Variants in GOLGA3 observed in about 807,000 individuals in gnomAD.
GOLGA3 encodes the protein golgin A3, also known as golgin subfamily A member 3.
In GOLGA3, 75 loss-of-function variants were observed where a neutral mutation model predicts 169.4. The ratio of observed to expected loss-of-function variants is 0.44; its 90% CI spans 0.37 to 0.54. The LOEUF is 0.54. Among genes scored for constraint, GOLGA3 ranks in the 20% least tolerant of loss-of-function variants. The pLI, the probability that GOLGA3 is intolerant of heterozygous loss-of-function variation, is 0.00. For missense variants in GOLGA3, 1,899 were observed against 1,930.0 expected (o/e 0.98, Z 0.30); for synonymous variants, 824 against 822.4 (o/e 1.00, Z -0.03).
chr12:132,816,587 GCTT>G lies in GOLGA3; in HGVS notation c.356_358del (p.Glu119del). 1 of 1,614,100 alleles carries G rather than the reference GCTT, an allele frequency of 6.2e-7. No individual in the cohort carries two copies. The highest frequency in any genetic ancestry group is 1.1e-5 in the South Asian group (1 of 91,086). Reference sequence around the variant, plus strand: ...AAGACTGAGTCTGAGAGACTGCAAAGCTTCTTTTCTAACACTGCCCTCAGCACT... The same window carrying G: ...AAGACTGAGTCTGAGAGACTGCAAAGCTTTTCTAACACTGCCCTCAGCACT... On this transcript the variant is annotated inframe_deletion, in exon 3 of 24. Transcript: ENST00000450791.
At position 132,784,289 on chromosome 12, in the gene GOLGA3, C is replaced by G. The variant is rs2045775093; in HGVS notation, c.3142G>C (p.Glu1048Gln). ...LALHERIQAL[E>Q]AELQAVSHSK... is the part of the protein sequence containing the mutation. ...TGACTGACAGCCTGCAGCTCCGCCT[C>G]CAGGGCCTGGATCCTTTCCTAAGGG... The change falls in exon 16 of 24, where the codon GAG becomes CAG. Residue 1048 changes from glutamate (E) to glutamine (Q), a missense_variant. Glu to Gln is a conservative substitution (Grantham distance 29, BLOSUM62 2). Coordinates refer to ENST00000450791, the MANE Select transcript of GOLGA3 (RefSeq NM_001389683.1). 1 of 1,608,800 alleles carries G rather than the reference C, an allele frequency of 6.2e-7. No individual in the cohort carries two copies.
chr12:132,800,477 G>C (rs1458806005), intron 8 of GOLGA3, among the ~76,000 whole-genome samples: 1 of 152,170 alleles, frequency 6.6e-6, no homozygotes, highest in Non-Finnish European at 1.5e-5. Context: ...CTGGGAGACA[G>C]AGCAAGACTC....
intron 12 of GOLGA3, among the ~76,000 whole-genome samples, chr12:132,789,957 T>G (rs1298420237): frequency 1.3e-5 from 2 of 151,584 alleles, no homozygotes; most frequent in Non-Finnish European, 2.9e-5. Flanking sequence ...CATTTGAACC[T>G]GGCAGTTGGA....
At chr12:132,784,433 C>G in intron 15 of GOLGA3, 126 bp from the exon 16 acceptor site, 2 of 765,240 alleles carry the variant, frequency 2.6e-6, no homozygotes, top group Non-Finnish European at 4.3e-6. Flanking sequence ...CTGACACAGT[C>G]TCACAACCTT....
chr12:132,783,723 ACC>A, intron 16 of GOLGA3: 1 of 273,770 alleles, frequency 3.7e-6, no homozygotes, highest in Non-Finnish European at 6.7e-6. Context: ...GACTACAGGC[ACC>A]CGCCACCACA....
chr12:132,818,439 T>G (rs921827165), intron 2 of GOLGA3, among the ~76,000 whole-genome samples: 1 of 152,138 alleles, frequency 6.6e-6, no homozygotes, highest in Non-Finnish European at 1.5e-5. Flanking sequence ...TTTGGTCTTT[T>G]TAGTAGAGAT....
Position 132,769,340 on chromosome 12 carries a change from T to G in GOLGA3, c.*3765A>C, listed in dbSNP as rs1227390841. ...TAGAATCTTCACGTACAACATTCTG[T>G]TTTTGTTTTTAAAGACCTCAGGGAA... On this transcript the variant is annotated 3_prime_UTR_variant, in exon 24 of 24. Coordinates refer to ENST00000450791, the MANE Select transcript of GOLGA3 (RefSeq NM_001389683.1). 1 of 152,192 alleles carries G rather than the reference T, an allele frequency of 6.6e-6. No individual in the cohort carries two copies. The highest frequency in any genetic ancestry group is 1.5e-5 in the Non-Finnish European group (1 of 68,046). The allele number at this position is 152,192 out of a possible 1,614,324, so 9.4% of individuals were successfully genotyped here.
At chr12:132,793,995 T>C (rs1011582883) in intron 11 of GOLGA3, among the ~76,000 whole-genome samples, 42 of 152,296 alleles carry the variant, frequency 2.8e-4, no homozygotes, top group African/African-American at 4.3e-4. Context: ...CCTTTTTCCC[T>C]ACAATATGGA....
rs1400443950 is a variant in GOLGA3 at position 132,787,591 on chromosome 12, A to AG, written c.2812-805_2812-804insC. Among the ~76,000 whole-genome samples, 355 of 112,394 alleles carry AG rather than the reference A, an allele frequency of 3.2e-3. 66 individuals carry two copies. Among genetic ancestry groups the AG allele is most frequent in the Non-Finnish European group, 3.8e-3 (195 of 51,790 alleles). The allele number at this position is 112,394 out of a possible 152,430, so 73.7% of individuals were successfully genotyped here. On this transcript the variant is annotated intron_variant, in intron 13 of 23. Transcript: ENST00000450791. Reference sequence around the variant, plus strand: ...CTGAGACCCCGGGACCCCTCCCCAGAACCCCTGGGACCCTTCCCCGGAGAC... The same window carrying AG: ...CTGAGACCCCGGGACCCCTCCCCAGAGACCCCTGGGACCCTTCCCCGGAGAC...
intron 2 of GOLGA3, among the ~76,000 whole-genome samples, chr12:132,817,165 C>T (rs890230863): frequency 5.5e-5 from 8 of 145,936 alleles, no homozygotes; most frequent in East Asian, 2.1e-4. Flanking sequence ...CACTCCTCCA[C>T]GCTCTAAGGT....
At chr12:132,824,423 A>G (rs1950332819) in intron 1 of GOLGA3, among the ~76,000 whole-genome samples, 1 of 152,254 alleles carries the variant, frequency 6.6e-6, no homozygotes, top group Non-Finnish European at 1.5e-5. Flanking sequence ...TACGTATGCT[A>G]TTAGTGTAAA....
rs2045321018 is a variant in GOLGA3 at position 132,777,655 on chromosome 12, C to T, written c.3722+11G>A. ...GCCATGTTTGAGGGCTGGCGGGGCC[C>T]AGGCACTCACTGAAGGTCGTCGGCC... is the stretch of plus-strand genomic sequence containing the variant. On this transcript the variant is annotated intron_variant, in intron 19 of 23. Transcript: ENST00000450791. The surrounding 1 kb of genome is among the most constrained non-coding windows in gnomAD (Gnocchi z 4.7). 1 of 1,613,590 alleles carries T rather than the reference C, an allele frequency of 6.2e-7. No homozygotes were observed. Among genetic ancestry groups the T allele is most frequent in the Admixed American group, 1.7e-5 (1 of 59,974 alleles).
At chr12:132,774,572 G>T in intron 22 of GOLGA3, 1 of 556,044 alleles carries the variant, frequency 1.8e-6, no homozygotes, top group Non-Finnish European at 3.2e-6. Flanking sequence ...TGGGTCTGCG[G>T]CAGGACGGGG....
chr12:132,825,757 CAAG>C (rs927543328), intron 1 of GOLGA3: 196 of 1,541,956 alleles, frequency 1.3e-4, no homozygotes, highest in Admixed American at 2.5e-4. Flanking sequence ...TCTTTCAAAA[CAAG>C]AAGAGGGTCC....
intron 21 of GOLGA3, among the ~76,000 whole-genome samples, 154 bp from the exon 22 acceptor site, chr12:132,775,459 G>A (rs1246435629): frequency 2.0e-5 from 3 of 152,204 alleles, no homozygotes; most frequent in Non-Finnish European, 2.9e-5. Flanking sequence ...AGGACCAGAA[G>A]TGTGTCAAAT....
intron 18 of GOLGA3, among the ~76,000 whole-genome samples, chr12:132,778,439 C>T (rs1218993488): frequency 1.9e-4 from 28 of 151,082 alleles, no homozygotes; most frequent in Middle Eastern, 3.6e-3. Context: ...GGCGTGGTGG[C>T]GGGCACCTGT....
chr12:132,808,191 G>A lies in GOLGA3; in HGVS notation c.878C>T (p.Thr293Ile). The change falls in exon 5 of 24, where the codon ACT becomes ATT. Residue 293 changes from threonine to isoleucine, a missense_variant. By Grantham distance (89) the Thr-to-Ile change is moderately conservative (BLOSUM62 -1). Coordinates refer to ENST00000450791, the MANE Select transcript of GOLGA3 (RefSeq NM_001389683.1). The part of the protein sequence containing the change: ...VVSEISLSPD[T>I]DDRLENTSLA... ...GGAGGTGTTCTCCAGACGGTCGTCA[G>A]TGTCGGGGGACAGGCTGATCTCAGA... 6.2e-7 allele frequency: 1 copy of A among 1,613,530 alleles called. No individual in the cohort carries two copies. The highest frequency in any genetic ancestry group is 8.5e-7 in the Non-Finnish European group (1 of 1,179,522).
chr12:132,828,749 G>C (rs1950529072), intron 1 of GOLGA3, 54 bp downstream of exon 1: 1 of 130,502 alleles, frequency 7.7e-6, no homozygotes, highest in African/African-American at 2.8e-5. Flanking sequence ...TGCGGGAGCG[G>C]GAGCGGGAGC....
intron 13 of GOLGA3, among the ~76,000 whole-genome samples, chr12:132,787,778 CCCCTCCCCGGAGACCACGGGA>C (rs2045992612): frequency 1.5e-5 from 1 of 65,690 alleles, no homozygotes; most frequent in Non-Finnish European, 3.1e-5. Flanking sequence ...GACCACGGGA[CCCCTCCCCGGAGACCACGGGA>C]CCCCTCCCCG....
Sources: gnomAD v4.1 joint callset for allele counts (sites outside exome capture counted in the v4.1 genomes callset) on GRCh38, gnomAD v4.1.1 for gene constraint, Gnocchi (gnomAD v3.1) non-coding constraint, MANE v1.5 for transcripts, NCBI Gene and HGNC (gene_info 2026-07-23, HGNC 2026-07-21) for gene names.